Variants in KCNH8 observed in about 807,000 individuals in gnomAD.
KCNH8 encodes the protein voltage-gated delayed rectifier potassium channel KCNH8.
KCNH8 carries 70 observed loss-of-function variants against 103.6 expected under a neutral mutation model. The ratio of observed to expected loss-of-function variants is 0.68; its 90% CI spans 0.56 to 0.82. KCNH8 has a LOEUF of 0.82. Ranked by LOEUF, KCNH8 falls within the 40% of genes least tolerant of loss-of-function variation. The pLI is 0.00. For missense variants in KCNH8, 1,217 were observed against 1,329.9 expected, an observed-to-expected ratio of 0.92 and a Z score of 1.32; for synonymous variants, 498 against 489.4, an observed-to-expected ratio of 1.02 and a Z score of -0.23.
intron 2 of KCNH8, among the ~76,000 whole-genome samples, chr3:19,267,002 G>A (rs949549026): frequency 2.0e-5 from 3 of 152,078 alleles, no homozygotes; most frequent in Admixed American, 2.0e-4. Context: ...CTGTTTGTAT[G>A]GGAAGTGACC....
At chr3:19,413,296 C>T (rs1328016478) in intron 7 of KCNH8, among the ~76,000 whole-genome samples, 2 of 151,580 alleles carry the variant, frequency 1.3e-5, no homozygotes, top group Admixed American at 1.3e-4. Flanking sequence ...AAACCAAATA[C>T]TACATGTTCT....
chr3:19,346,161 C>T (rs1370868099), intron 4 of KCNH8, among the ~76,000 whole-genome samples: 1 of 151,980 alleles, frequency 6.6e-6, no homozygotes, highest in African/African-American at 2.4e-5. Context: ...TAGAACCAAT[C>T]ATGTTATTAC....
intron 8 of KCNH8, among the ~76,000 whole-genome samples, chr3:19,449,184 T>A (rs1378680134): frequency 6.6e-6 from 1 of 151,884 alleles, no homozygotes. Context: ...ATTGTTCATG[T>A]CATTACACTT....
intron 3 of KCNH8, among the ~76,000 whole-genome samples, chr3:19,290,211 C>G: frequency 6.6e-6 from 1 of 152,076 alleles, no homozygotes; most frequent in Middle Eastern, 3.2e-3. Flanking sequence ...ATTTGACTCC[C>G]TTTTTCCTAA....
At chr3:19,409,263 A>T (rs1317858972) in intron 7 of KCNH8, among the ~76,000 whole-genome samples, 1 of 152,158 alleles carries the variant, frequency 6.6e-6, no homozygotes, top group Non-Finnish European at 1.5e-5. Flanking sequence ...ATATCCTGCC[A>T]AGCTGAACTC....
At chr3:19,181,193 A>T (rs2063449943) in intron 1 of KCNH8, among the ~76,000 whole-genome samples, 1 of 152,220 alleles carries the variant, frequency 6.6e-6, no homozygotes, top group Non-Finnish European at 1.5e-5. Flanking sequence ...AATAATTTTT[A>T]AAAGATATAC....
At chr3:19,396,787 A>G (rs990224480) in intron 7 of KCNH8, among the ~76,000 whole-genome samples, 1 of 152,032 alleles carries the variant, frequency 6.6e-6, no homozygotes, top group African/African-American at 2.4e-5. Flanking sequence ...AGGCTTCCTC[A>G]TCACATCATA....
chr3:19,207,121 A>C (rs1405466594), intron 1 of KCNH8, among the ~76,000 whole-genome samples: 1 of 151,964 alleles, frequency 6.6e-6, no homozygotes, highest in East Asian at 1.9e-4. Context: ...GAAAAGCAAA[A>C]CAAGTGGGCC....
At chr3:19,389,889 C>A (rs1008031886) in intron 5 of KCNH8, among the ~76,000 whole-genome samples, 2 of 152,056 alleles carry the variant, frequency 1.3e-5, no homozygotes, top group Non-Finnish European at 2.9e-5. Context: ...TTCGTCCTTC[C>A]AAAGTGCTGG....
chr3:19,395,264 T>C lies in KCNH8; in HGVS notation c.1130T>C (p.Ile377Thr). 1.9e-6 allele frequency: 3 copies of C among 1,610,694 alleles called. No individual in the cohort carries two copies. The highest frequency in any genetic ancestry group is 2.5e-6 in the Non-Finnish European group (3 of 1,178,470). ...TGGATGGCGTGTATCTGGTACGTCATTGGAAAAATGGAGAGGGAAGACAAC... is the reference window on the plus strand; with the variant it reads ...TGGATGGCGTGTATCTGGTACGTCACTGGAAAAATGGAGAGGGAAGACAAC... ...AHWMACIWYV[I>T]GKMEREDNSL... is the part of the protein sequence containing the mutation. The change falls in exon 7 of 16, where the codon ATT (isoleucine) becomes ACT (threonine). Residue 377 changes from isoleucine (I) to threonine (T), a missense_variant. Coordinates refer to ENST00000328405, the MANE Select transcript of KCNH8 (RefSeq NM_144633.3).
intron 1 of KCNH8, among the ~76,000 whole-genome samples, chr3:19,198,609 G>A (rs898979831): frequency 1.3e-5 from 2 of 151,886 alleles, no homozygotes. Context: ...TAATATTATA[G>A]AAGTAAGGAT....
chr3:19,157,229 G>C (rs2063189758), intron 1 of KCNH8, among the ~76,000 whole-genome samples: 1 of 152,020 alleles, frequency 6.6e-6, no homozygotes. Context: ...GTGGTGTTCT[G>C]GCTATTCCTT....
At chr3:19,194,870 G>A (rs1032944054) in intron 1 of KCNH8, among the ~76,000 whole-genome samples, 1 of 151,798 alleles carries the variant, frequency 6.6e-6, no homozygotes, top group African/African-American at 2.4e-5. Context: ...TTAGACAATC[G>A]AGAAAACAAT....
At chr3:19,497,713 C>A (rs2068474359) in intron 11 of KCNH8, among the ~76,000 whole-genome samples, 2 of 152,114 alleles carry the variant, frequency 1.3e-5, no homozygotes, top group South Asian at 4.1e-4. Context: ...GATGTATATT[C>A]TGTTGTTTTG....
chr3:19,375,301 AT>A (rs2066175493), intron 5 of KCNH8, among the ~76,000 whole-genome samples: 1 of 149,032 alleles, frequency 6.7e-6, no homozygotes, highest in Non-Finnish European at 1.5e-5. Flanking sequence ...GGCTTTGCTC[AT>A]TTGTTTTTAT....
chr3:19,493,859 CTTTTA>C (rs1309567639), intron 11 of KCNH8, among the ~76,000 whole-genome samples: 6 of 149,968 alleles, frequency 4.0e-5, no homozygotes, highest in African/African-American at 9.7e-5. Flanking sequence ...TTTATTATAA[CTTTTA>C]TTTTAGGTTC....
chr3:19,438,569 C>T (rs1431400326), intron 8 of KCNH8, among the ~76,000 whole-genome samples: 1 of 152,128 alleles, frequency 6.6e-6, no homozygotes, highest in Non-Finnish European at 1.5e-5. Flanking sequence ...CACACAAGAG[C>T]ATGCATTTAA....
intron 3 of KCNH8, among the ~76,000 whole-genome samples, chr3:19,282,065 A>C (rs1048514165): frequency 3.9e-5 from 6 of 152,122 alleles, no homozygotes. Context: ...TCTATGTAGT[A>C]AGTTCTTTTT....
chr3:19,281,691 A>G (rs1049722287), intron 3 of KCNH8, among the ~76,000 whole-genome samples: 1 of 152,202 alleles, frequency 6.6e-6, no homozygotes, highest in Middle Eastern at 3.4e-3. Flanking sequence ...ACATCTCTCC[A>G]TTTCCTCTAG....
Sources: allele counts gnomAD v4.1 joint callset (sites outside exome capture counted in the v4.1 genomes callset), GRCh38; gene constraint gnomAD v4.1.1; transcripts MANE v1.5; gene names NCBI Gene and HGNC (gene_info 2026-07-23, HGNC 2026-07-21).